Variants in TFEC observed in about 807,000 individuals in gnomAD.
The protein encoded by TFEC is transcription factor EC.
In TFEC, 31 loss-of-function variants were observed where a neutral mutation model predicts 41.6. The observed-to-expected ratio is 0.74, with a 90% CI of 0.56 to 1.01. The LOEUF (loss-of-function observed/expected upper bound fraction) is 1.01. TFEC is among the 50% of genes least tolerant of loss of function. The pLI is 0.00. For missense variants in TFEC, 402 were observed against 404.1 expected (o/e 0.99, Z 0.04); for synonymous variants, 143 against 140.6 (o/e 1.02, Z -0.12).
At position 115,956,599 on chromosome 7, in the gene TFEC, C is replaced by T. The variant is rs575199239; in HGVS notation, c.382+80G>A. On this transcript the variant is annotated intron_variant, in intron 4 of 7. Coordinates refer to ENST00000265440, the MANE Select transcript of TFEC (RefSeq NM_012252.4). Reference sequence around the variant, plus strand: ...ACTGTTTTGTTATACTTTTAAAATCCTAGTTAGCACAATATATGTCACTCA... The same window carrying T: ...ACTGTTTTGTTATACTTTTAAAATCTTAGTTAGCACAATATATGTCACTCA... 5.9e-5 allele frequency: 48 copies of T among 811,032 alleles called. No homozygotes were observed. In the South Asian group the frequency reaches 1.6e-3, roughly 27 times the overall value. The allele number at this position is 811,032 out of a possible 1,614,324, so 50.2% of individuals were successfully genotyped here.
intron 1 of TFEC, among the ~76,000 whole-genome samples, chr7:115,996,686 C>T (rs1203327939): frequency 6.6e-6 from 1 of 152,024 alleles, no homozygotes; most frequent in Non-Finnish European, 1.5e-5. Flanking sequence ...ATTCTCTTGG[C>T]CAGAGGGAAG....
chr7:116,087,522 CT>C (rs1797229053), intron 3 of TFEC, among the ~76,000 whole-genome samples: 1 of 151,978 alleles, frequency 6.6e-6, no homozygotes, highest in Non-Finnish European at 1.5e-5. Context: ...AATGCACAGG[CT>C]TTCACCCATA....
intron 1 of TFEC, among the ~76,000 whole-genome samples, chr7:116,133,190 G>GTTTAGAT (rs1298187409): frequency 6.6e-6 from 1 of 152,106 alleles, no homozygotes; most frequent in Non-Finnish European, 1.5e-5. Flanking sequence ...AATACCTTAT[G>GTTTAGAT]TTTAGATTCT....
intron 3 of TFEC, among the ~76,000 whole-genome samples, chr7:116,075,228 T>C (rs1370147276): frequency 1.3e-5 from 2 of 152,270 alleles, no homozygotes; most frequent in East Asian, 3.9e-4. Context: ...GCTATTTTTT[T>C]AAAAGTCCAT....
Position 116,057,741 on chromosome 7 carries a change from TAGC to T in TFEC, c.198+52964_198+52966del, listed in dbSNP as rs149582589. ...AGTAAAAGTAAGATTAACGAAAAAA[TAGC>T]AGAAACTGGAGAGGAGAAATCAAAG... On this transcript the variant is annotated intron_variant, in intron 3 of 8. Transcript: ENST00000484212. Among the ~76,000 whole-genome samples, 615 of 151,852 alleles carry T rather than the reference TAGC, an allele frequency of 4.0e-3. 2 individuals carry two copies. The highest frequency in any genetic ancestry group is 0.014 in the African/African-American group (599 of 41,492).
At chr7:115,961,755 A>G (rs61435432) in intron 3 of TFEC, among the ~76,000 whole-genome samples, 2,752 of 151,892 alleles carry the variant, frequency 0.018, 92 homozygotes, top group African/African-American at 0.063. Flanking sequence ...TAGGAGCAAG[A>G]TAAGGATGCC....
intron 3 of TFEC, among the ~76,000 whole-genome samples, chr7:116,090,503 C>T (rs1044668312): frequency 6.6e-5 from 10 of 152,156 alleles, no homozygotes; most frequent in East Asian, 5.8e-4. Context: ...GCCAAGAACC[C>T]GGACACCCTC....
intron 3 of TFEC, among the ~76,000 whole-genome samples, chr7:116,087,637 T>G (rs1298820655): frequency 2.6e-5 from 4 of 152,102 alleles, no homozygotes; most frequent in Non-Finnish European, 5.9e-5. Context: ...GTTCATTGTT[T>G]TAACATCACC....
chr7:115,954,621 G>C lies in TFEC; in HGVS notation c.404C>G (p.Ala135Gly), dbSNP rs745906138. 6.2e-6 allele frequency: 10 copies of C among 1,611,238 alleles called. No homozygotes were observed. The highest frequency in any genetic ancestry group is 7.6e-6 in the Non-Finnish European group (9 of 1,178,786). Residue 135 changes from alanine (A) to glycine (G), a missense_variant, in exon 5 of 8, where the codon GCA becomes GGA. Ala to Gly is a moderately conservative substitution (Grantham distance 60). Coordinates refer to ENST00000265440, the MANE Select transcript of TFEC (RefSeq NM_012252.4). ...GTTGTCCTTTTTTTGTCTCTCTTTT[G>C]CTAAAGCTCTAGTGTCAGTTTCTGA... ...EITETDTRAL[A>G]KERQKKDNHN... is the part of the protein sequence containing the mutation.
At chr7:115,946,063 T>C (rs1791525886) in intron 6 of TFEC, among the ~76,000 whole-genome samples, 1 of 151,784 alleles carries the variant, frequency 6.6e-6, no homozygotes, top group Non-Finnish European at 1.5e-5. Flanking sequence ...TTATTAAAAT[T>C]TGGAGTAATA....
At chr7:116,020,681 T>C (rs1434376320) in intron 1 of TFEC, among the ~76,000 whole-genome samples, 1 of 152,140 alleles carries the variant, frequency 6.6e-6, no homozygotes, top group Non-Finnish European at 1.5e-5. Context: ...AGAGAAAATA[T>C]TACTGCTTAG....
intron 1 of TFEC, among the ~76,000 whole-genome samples, chr7:116,016,456 CTG>C (rs1401987123): frequency 1.3e-5 from 2 of 152,130 alleles, no homozygotes; most frequent in Non-Finnish European, 2.9e-5. Flanking sequence ...TTCCCTATCT[CTG>C]TGTGAGGATG....
intron 3 of TFEC, among the ~76,000 whole-genome samples, chr7:115,961,290 A>G (rs530823513): frequency 6.6e-6 from 1 of 151,810 alleles, no homozygotes; most frequent in Admixed American, 6.6e-5. Flanking sequence ...GATTGCCAAA[A>G]TATTTTGAAA....
At chr7:116,071,594 A>C (rs1397340546) in intron 3 of TFEC, among the ~76,000 whole-genome samples, 1 of 151,394 alleles carries the variant, frequency 6.6e-6, no homozygotes, top group Non-Finnish European at 1.5e-5. Flanking sequence ...GACTAGATCT[A>C]AAGAGATTTA....
At chr7:116,034,382 T>C (rs1444271269), upstream of TFEC, among the ~76,000 whole-genome samples, 1 of 152,086 alleles carries the variant, frequency 6.6e-6, no homozygotes. Context: ...CATTTTCCTG[T>C]GTTACAGACA....
chr7:116,061,315 A>G (rs1796551617), intron 3 of TFEC, among the ~76,000 whole-genome samples: 1 of 152,174 alleles, frequency 6.6e-6, no homozygotes, highest in Admixed American at 6.5e-5. Flanking sequence ...CCATACATAT[A>G]TGGACAACTG....
At chr7:116,050,240 A>T (rs528550582) in intron 3 of TFEC, among the ~76,000 whole-genome samples, 1 of 152,226 alleles carries the variant, frequency 6.6e-6, no homozygotes, top group East Asian at 1.9e-4. Flanking sequence ...AGCTAGCAAG[A>T]CTAATAAAGA....
chr7:116,144,297 A>G (rs530042654), intron 1 of TFEC, among the ~76,000 whole-genome samples: 47 of 152,212 alleles, frequency 3.1e-4, no homozygotes, highest in Non-Finnish European at 5.1e-4. Context: ...TATTTGGATT[A>G]TTAAACTGAA....
intron 3 of TFEC, among the ~76,000 whole-genome samples, chr7:116,069,407 A>G (rs1584477994): frequency 6.6e-6 from 1 of 151,678 alleles, no homozygotes; most frequent in African/African-American, 2.4e-5. Flanking sequence ...GAGTAATCCT[A>G]TGGATATGTT....
Sources: gnomAD v4.1 joint callset for allele counts (sites outside exome capture counted in the v4.1 genomes callset) on GRCh38, gnomAD v4.1.1 for gene constraint, MANE v1.5 for transcripts, NCBI Gene and HGNC (gene_info 2026-07-23, HGNC 2026-07-21) for gene names.